Variants in NBEA observed in about 807,000 individuals in gnomAD.
The protein encoded by NBEA is lysosomal-trafficking regulator 2.
Under a neutral mutation model 343.4 loss-of-function variants are expected in NBEA, and 44 were observed. The ratio of observed to expected loss-of-function variants is 0.13; its 90% CI spans 0.10 to 0.16. NBEA has a LOEUF of 0.16. NBEA is among the 10% of genes least tolerant of loss of function. NBEA has a pLI of 1.00. For missense variants in NBEA, 2,555 were observed against 3,631.3 expected (o/e 0.70, Z 7.62); for synonymous variants, 1,175 against 1,238.7 (o/e 0.95, Z 1.08).
chr13:35,172,191 A>G (rs2152723055), intron 26 of NBEA, among the ~76,000 whole-genome samples: 1 of 152,182 alleles, frequency 6.6e-6, no homozygotes, highest in Middle Eastern at 3.4e-3. Flanking sequence ...GATTATGTCA[A>G]AAATTCCTTT....
chr13:35,404,950 C>T (rs577849903), intron 38 of NBEA, among the ~76,000 whole-genome samples: 24 of 151,892 alleles, frequency 1.6e-4, no homozygotes, highest in African/African-American at 5.1e-4. Context: ...GGAATGAACA[C>T]GATTGGAGGA....
intron 41 of NBEA, chr13:35,476,961 G>T: frequency 3.1e-6 from 1 of 319,760 alleles, no homozygotes; most frequent in Non-Finnish European, 4.8e-6. Context: ...TGGCAAAGCG[G>T]CTCTCTTCTG....
In NBEA at chr13:35,254,103, G is replaced by GA. The variant is rs988920271; in HGVS notation, c.5776+21490dup. ...CTACATCCTTATCTAATTTTCAGCT[G>GA]AAAAAATAACATGATCTTATTTCTC... On this transcript the variant is annotated intron_variant, in intron 34 of 58. Transcript: ENST00000379939. 6.6e-5 allele frequency among the ~76,000 whole-genome samples: 10 copies of GA among 151,860 alleles called. No individual in the cohort carries two copies. In the East Asian group the frequency reaches 1.9e-3, roughly 29 times the overall value.
At chr13:35,187,464 AT>A (rs2071804113) in intron 30 of NBEA, among the ~76,000 whole-genome samples, 1 of 150,210 alleles carries the variant, frequency 6.7e-6, no homozygotes, top group East Asian at 1.9e-4. Context: ...TTTATGTACC[AT>A]TTTAATATAA....
chr13:35,476,346 TGC>T (rs2075870140), intron 41 of NBEA: 2 of 1,137,208 alleles, frequency 1.8e-6, no homozygotes, highest in Non-Finnish European at 2.5e-6. Flanking sequence ...CTGCTGCTGC[TGC>T]TGCTGCTTTT....
intron 41 of NBEA, among the ~76,000 whole-genome samples, chr13:35,526,221 T>C (rs2077968373): frequency 6.6e-6 from 1 of 152,244 alleles, no homozygotes; most frequent in Non-Finnish European, 1.5e-5. Flanking sequence ...GTAGATATTT[T>C]AAATTATTTT....
At chr13:35,415,726 T>A (rs1010767649) in intron 38 of NBEA, among the ~76,000 whole-genome samples, 5 of 152,156 alleles carry the variant, frequency 3.3e-5, no homozygotes, top group Admixed American at 1.3e-4. Flanking sequence ...GGCTCTTTTT[T>A]GGTTCCATAT....
chr13:35,477,676 G>A (rs1241010240), intron 41 of NBEA, among the ~76,000 whole-genome samples: 1 of 152,102 alleles, frequency 6.6e-6, no homozygotes, highest in Non-Finnish European at 1.5e-5. Context: ...TATATCTCCT[G>A]TCTTAAGTGT....
chr13:35,278,001 T>G lies in NBEA; in HGVS notation c.5777-12388T>G, dbSNP rs572050931. On this transcript the variant is annotated intron_variant, in intron 34 of 58. Transcript: ENST00000379939. The stretch of plus-strand genomic sequence containing the variant: ...ACTTGGGAGGCTGAGGCAGGAGAAT[T>G]GCTTGCACCCAGGAGGCAGAGGTTG... 8.5e-4 allele frequency among the ~76,000 whole-genome samples: 128 copies of G among 150,974 alleles called. 1 individual carries two copies. The Middle Eastern group carries it at 0.01, about 12-fold the overall frequency.
At chr13:35,097,569 G>A (rs1229589940) in intron 10 of NBEA, among the ~76,000 whole-genome samples, 1 of 151,930 alleles carries the variant, frequency 6.6e-6, no homozygotes, top group Non-Finnish European at 1.5e-5. Flanking sequence ...GTGAAGTAAT[G>A]CATTATCAAA....
intron 34 of NBEA, among the ~76,000 whole-genome samples, chr13:35,243,658 A>C (rs2152780255): frequency 6.6e-6 from 1 of 152,078 alleles, no homozygotes; most frequent in African/African-American, 2.4e-5. Context: ...AAATGAGACA[A>C]GGAAAACAAT....
At chr13:35,611,537 A>C (rs2082523172) in intron 48 of NBEA, among the ~76,000 whole-genome samples, 1 of 152,196 alleles carries the variant, frequency 6.6e-6, no homozygotes, top group Admixed American at 6.5e-5. Flanking sequence ...CCATCACCAC[A>C]GTCTAATCTT....
chr13:34,999,966 A>G (rs778247076), intron 1 of NBEA, among the ~76,000 whole-genome samples: 3 of 152,196 alleles, frequency 2.0e-5, no homozygotes, highest in Non-Finnish European at 2.9e-5. Context: ...GTATGTCTGT[A>G]TCTATCTTCC....
At chr13:34,967,633 T>A (rs1360230754) in intron 1 of NBEA, among the ~76,000 whole-genome samples, 2 of 152,122 alleles carry the variant, frequency 1.3e-5, no homozygotes, top group African/African-American at 4.8e-5. Context: ...AACAGGAGGC[T>A]GTGAAAGACT....
intron 49 of NBEA, among the ~76,000 whole-genome samples, chr13:35,640,181 A>G (rs1593442194): frequency 6.6e-6 from 1 of 152,236 alleles, no homozygotes. Context: ...ACATAAGCAC[A>G]CATTATATTT....
intron 34 of NBEA, among the ~76,000 whole-genome samples, chr13:35,236,852 C>T (rs1246650079): frequency 1.3e-5 from 2 of 151,710 alleles, no homozygotes; most frequent in African/African-American, 2.4e-5. Context: ...CTTATGTGCT[C>T]CTACAGTATT....
chr13:35,030,260 T>C (rs1461380641), intron 1 of NBEA, among the ~76,000 whole-genome samples: 1 of 151,674 alleles, frequency 6.6e-6, no homozygotes, highest in Non-Finnish European at 1.5e-5. Context: ...TCTTTCTTGC[T>C]TTTAACTTTA....
At chr13:35,531,204 A>G (rs9565361) in intron 41 of NBEA, among the ~76,000 whole-genome samples, 15,316 of 152,202 alleles carry the variant, frequency 0.1, 1,073 homozygotes, top group East Asian at 0.34. Flanking sequence ...AAAGAAAAAA[A>G]AAAATCTTCA....
At chr13:35,105,358 GT>G (rs2065866485) in intron 11 of NBEA, among the ~76,000 whole-genome samples, 1 of 151,996 alleles carries the variant, frequency 6.6e-6, no homozygotes, top group Non-Finnish European at 1.5e-5. Context: ...GCAGCAAACA[GT>G]AAGTTGTGTT....
Sources: allele counts gnomAD v4.1 joint callset (sites outside exome capture counted in the v4.1 genomes callset), GRCh38; gene constraint gnomAD v4.1.1; transcripts MANE v1.5; gene names NCBI Gene and HGNC (gene_info 2026-07-23, HGNC 2026-07-21).